GRID2IP: variants seen among roughly 807,000 people sequenced by gnomAD.
The protein encoded by GRID2IP is Grid2 interacting protein.
In GRID2IP, 78 loss-of-function variants were observed where a neutral mutation model predicts 114.3. The observed-to-expected ratio is 0.68, with a 90% CI of 0.57 to 0.82. The LOEUF is 0.82. GRID2IP is among the 40% of genes least tolerant of loss of function. GRID2IP has a pLI of 0.00. For missense variants in GRID2IP, 1,727 were observed against 1,678.5 expected (o/e 1.03, Z -0.51); for synonymous variants, 809 against 724.0 (o/e 1.12, Z -1.89).
At chr7:6,540,096 C>T (rs1455225143) in intron 1 of GRID2IP, among the ~76,000 whole-genome samples, 1 of 139,566 alleles carries the variant, frequency 7.2e-6, no homozygotes, top group African/African-American at 2.6e-5. Flanking sequence ...CCCCTCCCCT[C>T]CCCTCCCCTC....
At chr7:6,510,883 A>G in intron 9 of GRID2IP, 25 bp downstream of exon 9, 1 of 1,546,860 alleles carries the variant, frequency 6.5e-7, no homozygotes, top group East Asian at 2.5e-5. Flanking sequence ...CTCCATTCAT[A>G]CCCTCCCCCT....
At chr7:6,546,425 C>T (rs377545212) in intron 1 of GRID2IP, among the ~76,000 whole-genome samples, 5 of 151,560 alleles carry the variant, frequency 3.3e-5, no homozygotes, top group African/African-American at 9.7e-5. Context: ...CAAAATTAGC[C>T]GGGCGTGGTG....
intron 7 of GRID2IP, among the ~76,000 whole-genome samples, chr7:6,517,417 C>T (rs984111933): frequency 1.3e-5 from 2 of 152,058 alleles, no homozygotes; most frequent in Admixed American, 1.3e-4. Context: ...AACCCACAGG[C>T]CCTGTAGGGC....
Position 6,505,860 on chromosome 7 carries a change from G to A in GRID2IP, c.2592C>T (p.Tyr864=), listed in dbSNP as rs1441905811. 6.4e-7 allele frequency: 1 copy of A among 1,552,132 alleles called. No individual in the cohort carries two copies. The highest frequency in any genetic ancestry group is 8.7e-7 in the Non-Finnish European group (1 of 1,147,040). Residue 864 remains tyrosine (Y), a synonymous_variant, in exon 14 of 22, where the codon TAC becomes TAT. Coordinates refer to ENST00000457091, the MANE Select transcript of GRID2IP (RefSeq NM_001145118.2). ...TGCCGAAGTGGAGCTCCAGGTCGAG[G>A]TATTTCACCATGTCACTCAGCTTAT... is the stretch of plus-strand genomic sequence containing the variant. The part of the protein sequence containing the change: ...DYDKLSDMVK[Y]LDLELHFGTQ...
In GRID2IP at chr7:6,509,510, G is replaced by A. The variant is rs1374307847; in HGVS notation, c.1772-197C>T. On this transcript the variant is annotated intron_variant, in intron 11 of 21. Coordinates refer to ENST00000457091, the MANE Select transcript of GRID2IP (RefSeq NM_001145118.2). The surrounding 1 kb of genome is among the most constrained non-coding windows in gnomAD (Gnocchi z 4.9). ...TAAAGGCCAGATCTGGTGAGCAGGA[G>A]CACTGCTCGGCCTCAGGACAGGCTG... Among the ~76,000 whole-genome samples, 1 of 152,190 alleles carries A rather than the reference G, an allele frequency of 6.6e-6. No homozygotes were observed. Among genetic ancestry groups the A allele is most frequent in the African/African-American group, 2.4e-5 (1 of 41,446 alleles).
At position 6,497,236 on chromosome 7, in the gene GRID2IP, G is replaced by A. The variant is rs537873386; in HGVS notation, c.*538C>T. Among the ~76,000 whole-genome samples, 7 of 152,278 alleles carry A rather than the reference G, an allele frequency of 4.6e-5. No individual in the cohort carries two copies. Among genetic ancestry groups the A allele is most frequent in the African/African-American group, 1.4e-4 (6 of 41,562 alleles). On this transcript the variant is annotated 3_prime_UTR_variant, in exon 22 of 22. Transcript: ENST00000457091. Reference sequence around the variant, plus strand: ...CCTTCTCCAGTCCTTCCTTCCCTGCGTCTCTCCCAGGCTTCTCTCTTCCTG... The same window carrying A: ...CCTTCTCCAGTCCTTCCTTCCCTGCATCTCTCCCAGGCTTCTCTCTTCCTG...
At chr7:6,543,395 CAA>C (rs71539949) in intron 1 of GRID2IP, among the ~76,000 whole-genome samples, 2 of 130,664 alleles carry the variant, frequency 1.5e-5, no homozygotes, top group African/African-American at 2.8e-5. Flanking sequence ...GGCTCTGTCT[CAA>C]AAAAAAAAAA....
chr7:6,546,932 C>T (rs1047377865), intron 1 of GRID2IP, among the ~76,000 whole-genome samples: 2 of 152,134 alleles, frequency 1.3e-5, no homozygotes, highest in Non-Finnish European at 1.5e-5. Flanking sequence ...AGGCATTACT[C>T]GCACTCACCA....
chr7:6,522,185 A>T (rs990359742), intron 4 of GRID2IP, among the ~76,000 whole-genome samples: 10 of 152,096 alleles, frequency 6.6e-5, no homozygotes, highest in African/African-American at 1.7e-4. Flanking sequence ...CCCCATCTCT[A>T]CCAAGAAAAA....
Position 6,520,640 on chromosome 7 carries a change from G to A in GRID2IP, c.1206C>T (p.His402=), listed in dbSNP as rs752949849. The change falls in exon 7 of 22, where the codon CAC becomes CAT. Residue 402 remains histidine, a synonymous_variant. Coordinates refer to ENST00000457091, the MANE Select transcript of GRID2IP (RefSeq NM_001145118.2). The surrounding 1 kb of genome is among the most constrained non-coding windows in gnomAD (Gnocchi z 4.6). The stretch of plus-strand genomic sequence containing the variant: ...CATAGCGCTCAGGAGGTGTGAGTAG[G>A]TGCTCCAGCTGCTGGCTGAAGGTCC... ...QGRTFSQQLE[H]LLTPPERYGV... The A allele has an allele frequency of 6.3e-5, 97 of 1,551,600 alleles. 1 individual carries two copies. The Middle Eastern group carries it at 1.7e-3, about 27-fold the overall frequency.
At position 6,526,323 on chromosome 7, in the gene GRID2IP, A is replaced by G. The variant is rs1779509771; in HGVS notation, c.834-14T>C. 1 of 1,550,868 alleles carries G rather than the reference A, an allele frequency of 6.4e-7. No homozygotes were observed. Among genetic ancestry groups the G allele is most frequent in the Admixed American group, 2.0e-5 (1 of 50,996 alleles). On this transcript the variant is annotated splice_polypyrimidine_tract_variant and intron_variant, in intron 3 of 21. Coordinates refer to ENST00000457091, the MANE Select transcript of GRID2IP (RefSeq NM_001145118.2). This position sits in a 1 kb window ranked among gnomAD's most constrained non-coding sequence, Gnocchi z 7.6. ...ACTCGGACAGTCCTGGGGGAAAAAGAAGGGGCGAGCAGCATGATGGAGAGG... is the reference window on the plus strand; with the variant it reads ...ACTCGGACAGTCCTGGGGGAAAAAGGAGGGGCGAGCAGCATGATGGAGAGG...
intron 20 of GRID2IP, among the ~76,000 whole-genome samples, chr7:6,500,279 T>C (rs999833033): frequency 3.3e-5 from 5 of 151,800 alleles, no homozygotes; most frequent in Non-Finnish European, 7.4e-5. Flanking sequence ...CTGACTAACA[T>C]AGTGAAACCC....
In GRID2IP at chr7:6,528,537, C is replaced by T. The variant is rs891426226; in HGVS notation, c.585-1768G>A. Among the ~76,000 whole-genome samples the T allele has an allele frequency of 6.6e-6, 1 of 152,206 alleles. No individual in the cohort carries two copies. The highest frequency in any genetic ancestry group is 1.5e-5 in the Non-Finnish European group (1 of 68,030). On this transcript the variant is annotated intron_variant, in intron 2 of 21. Transcript: ENST00000457091. The surrounding 1 kb of genome is among the most constrained non-coding windows in gnomAD (Gnocchi z 6.0). ...AGGTCTCCCTGGCTGCATCCCAAGG[C>T]CCCCTTCCCTGTTCCTTGTACCAGG...
chr7:6,503,416 C>T, intron 16 of GRID2IP, 75 bp downstream of exon 16: 4 of 1,368,966 alleles, frequency 2.9e-6, no homozygotes, highest in Non-Finnish European at 3.8e-6. Flanking sequence ...CGCGCGGGAC[C>T]CCAGCAGCCC....
At chr7:6,510,466 C>T (rs62441273) in intron 10 of GRID2IP, 66 bp from the exon 11 acceptor site, 1 of 1,375,402 alleles carries the variant, frequency 7.3e-7, no homozygotes, top group Admixed American at 2.8e-5. Context: ...GTGGTCCAGG[C>T]CTGGGTGGGC....
Position 6,508,616 on chromosome 7 carries a change from C to A in GRID2IP, c.2128-215G>T, listed in dbSNP as rs1034970734. Among the ~76,000 whole-genome samples, 1 of 136,634 alleles carries A rather than the reference C, an allele frequency of 7.3e-6. No individual in the cohort carries two copies. The highest frequency in any genetic ancestry group is 1.7e-5 in the Non-Finnish European group (1 of 57,402). The allele number at this position is 136,634 out of a possible 152,430, so 89.6% of individuals were successfully genotyped here. ...GATAGCCTGGGCTAAGGATAGGACCCTCTCATGGGTAAGCCTCAGGCTGTG... is the reference window on the plus strand; with the variant it reads ...GATAGCCTGGGCTAAGGATAGGACCATCTCATGGGTAAGCCTCAGGCTGTG... On this transcript the variant is annotated intron_variant, in intron 12 of 21. Transcript: ENST00000457091. This position sits in a 1 kb window ranked among gnomAD's most constrained non-coding sequence, Gnocchi z 5.6.
rs907817186 is a variant in GRID2IP, at chr7:6,551,202, G to C, written c.235C>G (p.Leu79Val). ...CCGTCGGGAGCCGGGAGCACGCCCA[G>C]ACTGGGCGGCACACGTGGGCAGCGC... ...ARRCPRVPPS[L>V]GVLPAPDGGP... The change falls in exon 1 of 22, where the codon CTG becomes GTG. Residue 79 changes from leucine (L) to valine (V), a missense_variant. Leu to Val is a conservative substitution (Grantham distance 32). Transcript: ENST00000457091. 65 of 1,466,536 alleles carry C rather than the reference G, an allele frequency of 4.4e-5. No homozygotes were observed. The African/African-American group carries it at 8.8e-4, about 20-fold the overall frequency. The allele number at this position is 1,466,536 out of a possible 1,614,324, so 90.8% of individuals were successfully genotyped here.
In GRID2IP at chr7:6,508,390, A is replaced by G. The variant is rs1398450262; in HGVS notation, c.2139T>C (p.His713=). The part of the protein sequence containing the change: ...PENDYEEMSF[H]DDQGSFVTNE... Reference sequence around the variant, plus strand: ...TGGTTACGAAGCTGCCCTGGTCATCATGGAAGCTCATCTGGTGGTGGGGAG... The same window carrying G: ...TGGTTACGAAGCTGCCCTGGTCATCGTGGAAGCTCATCTGGTGGTGGGGAG... Residue 713 remains histidine, a synonymous_variant, in exon 13 of 22, where the codon CAT becomes CAC. Transcript: ENST00000457091. The surrounding 1 kb of genome is among the most constrained non-coding windows in gnomAD (Gnocchi z 5.6). The G allele has an allele frequency of 6.4e-7, 1 of 1,551,360 alleles. No individual in the cohort carries two copies. The highest frequency in any genetic ancestry group is 8.7e-7 in the Non-Finnish European group (1 of 1,147,064).
At chr7:6,540,216 G>A (rs1779792609) in intron 1 of GRID2IP, among the ~76,000 whole-genome samples, 1 of 151,650 alleles carries the variant, frequency 6.6e-6, no homozygotes, top group South Asian at 2.1e-4. Flanking sequence ...AGGTTCAAGC[G>A]ATTCTCCTGC....
Sources: gnomAD v4.1 joint callset for allele counts (sites outside exome capture counted in the v4.1 genomes callset) on GRCh38, gnomAD v4.1.1 for gene constraint, Gnocchi (gnomAD v3.1) non-coding constraint, MANE v1.5 for transcripts, NCBI Gene and HGNC (gene_info 2026-07-23, HGNC 2026-07-21) for gene names.